Variants in PLAAT5 observed in about 807,000 individuals in gnomAD.
PLAAT5 encodes the protein phospholipase A and acyltransferase 5.
A neutral mutation model predicts 27.8 loss-of-function variants in PLAAT5; 27 were observed. The observed-to-expected ratio is 0.97, with a 90% CI of 0.72 to 1.34. PLAAT5 has a LOEUF of 1.34. Ranked by LOEUF, PLAAT5 falls within the 40% of genes most tolerant of loss-of-function variation. PLAAT5 has a pLI of 0.00. For missense variants in PLAAT5, 368 were observed against 343.8 expected (o/e 1.07, Z -0.56); for synonymous variants, 125 against 136.1 (o/e 0.92, Z 0.57).
chr11:63,466,882 T>C (rs201305805), intron 4 of PLAAT5, among the ~76,000 whole-genome samples: 1 of 152,154 alleles, frequency 6.6e-6, no homozygotes, highest in Non-Finnish European at 1.5e-5. Flanking sequence ...AGCTTCCACC[T>C]ACAGCCACTT....
intron 3 of PLAAT5, among the ~76,000 whole-genome samples, chr11:63,483,791 ATATATATATGT>A (rs2016351634): frequency 1.3e-5 from 1 of 77,254 alleles, no homozygotes. Context: ...AAAAATATAT[ATATATATATGT>A]ATATATATAT....
intron 3 of PLAAT5, among the ~76,000 whole-genome samples, chr11:63,476,065 T>C (rs569178365): frequency 6.6e-6 from 1 of 152,222 alleles, no homozygotes; most frequent in Admixed American, 6.5e-5. Context: ...CATTTTACCA[T>C]TTCTGGTACT....
At chr11:63,475,178 C>T (rs1181966934) in intron 3 of PLAAT5, among the ~76,000 whole-genome samples, 1 of 150,998 alleles carries the variant, frequency 6.6e-6, no homozygotes, top group Non-Finnish European at 1.5e-5. Flanking sequence ...CAGTTAGTTG[C>T]TTACATCTTC....
chr11:63,484,459 T>C (rs2016387280), intron 3 of PLAAT5, among the ~76,000 whole-genome samples: 1 of 152,156 alleles, frequency 6.6e-6, no homozygotes, highest in African/African-American at 2.4e-5. Flanking sequence ...TCAAGTGGGT[T>C]TTATAGCAGG....
chr11:63,481,922 G>A (rs1198588188), intron 3 of PLAAT5, among the ~76,000 whole-genome samples: 1 of 152,144 alleles, frequency 6.6e-6, no homozygotes, highest in Non-Finnish European at 1.5e-5. Context: ...AGGGGGAGCG[G>A]GGAGGGATAG....
intron 3 of PLAAT5, among the ~76,000 whole-genome samples, chr11:63,488,629 C>A (rs1480635297): frequency 6.6e-6 from 1 of 151,762 alleles, no homozygotes; most frequent in Non-Finnish European, 1.5e-5. Context: ...TGTGGCCCAA[C>A]ACAAATTTGT....
In PLAAT5 at chr11:63,490,822, T is replaced by C. The variant is rs2016546942; in HGVS notation, c.148+65A>G. ...GTCTTAAGAAAAGGAGCTTTGAGGGTAACCGCCCGCTGGGACCTGAAGGAC... is the reference window on the plus strand; with the variant it reads ...GTCTTAAGAAAAGGAGCTTTGAGGGCAACCGCCCGCTGGGACCTGAAGGAC... On this transcript the variant is annotated intron_variant, in intron 1 of 5. Transcript: ENST00000540857. 1.3e-5 allele frequency: 19 copies of C among 1,452,392 alleles called. No homozygotes were observed. In the Middle Eastern group the frequency reaches 8.8e-4, roughly 67 times the overall value. The allele number at this position is 1,452,392 out of a possible 1,614,324, so 90.0% of individuals were successfully genotyped here. A position where few individuals can be genotyped will look rare whatever the true frequency, so the allele number is the denominator to read the frequency against.
intron 3 of PLAAT5, among the ~76,000 whole-genome samples, chr11:63,476,080 A>C (rs2016144874): frequency 6.6e-6 from 1 of 151,924 alleles, no homozygotes; most frequent in South Asian, 2.1e-4. Context: ...GGTACTCTCC[A>C]TTTCTTCCTG....
At chr11:63,479,354 C>A (rs1189595214) in intron 3 of PLAAT5, among the ~76,000 whole-genome samples, 1 of 152,204 alleles carries the variant, frequency 6.6e-6, no homozygotes. Flanking sequence ...AAGCAGATGC[C>A]TCTGTCTTCA....
chr11:63,490,738 C>T, intron 1 of PLAAT5, 149 bp downstream of exon 1: 1 of 758,584 alleles, frequency 1.3e-6, no homozygotes, highest in Non-Finnish European at 2.1e-6. Context: ...AGCTTTATAA[C>T]AAGCGGTCGT....
Position 63,482,068 on chromosome 11 carries a change from A to AC in PLAAT5, c.345+6802_345+6803insG, listed in dbSNP as rs575179559. ...ACTTAAAGTATAATAATAAAAAAAA[A>AC]GAAAAAAATAATCAAAAGTATGAAC... is the stretch of plus-strand genomic sequence containing the variant. On this transcript the variant is annotated intron_variant, in intron 3 of 5. Transcript: ENST00000540857. Among the ~76,000 whole-genome samples the AC allele has an allele frequency of 4.1e-3, 632 of 152,348 alleles. 4 individuals are homozygous for AC. The highest frequency in any genetic ancestry group is 0.014 in the African/African-American group (569 of 41,580).
At chr11:63,487,020 T>G (rs990483940) in intron 3 of PLAAT5, among the ~76,000 whole-genome samples, 2 of 152,220 alleles carry the variant, frequency 1.3e-5, no homozygotes, top group African/African-American at 4.8e-5. Flanking sequence ...CTATTTTGAG[T>G]GACATCCGTG....
At chr11:63,464,580 T>C (rs1434873791) in intron 5 of PLAAT5, among the ~76,000 whole-genome samples, 3 of 151,882 alleles carry the variant, frequency 2.0e-5, no homozygotes, top group Non-Finnish European at 4.4e-5. Flanking sequence ...CGCTTGAACC[T>C]GGGAGGCAGA....
intron 3 of PLAAT5, among the ~76,000 whole-genome samples, chr11:63,476,422 CCATTCAT>C (rs1431243520): frequency 6.6e-6 from 1 of 152,054 alleles, no homozygotes; most frequent in Non-Finnish European, 1.5e-5. Flanking sequence ...CTCTCATTCT[CCATTCAT>C]CTGGGACTAT....
At chr11:63,463,758 G>C (rs548254619) in intron 5 of PLAAT5, among the ~76,000 whole-genome samples, 163 bp from the exon 6 acceptor site, 2 of 152,310 alleles carry the variant, frequency 1.3e-5, no homozygotes, top group Admixed American at 6.5e-5. Flanking sequence ...CTCCTAGAGT[G>C]ACAAGAGACC....
At position 63,462,499 on chromosome 11, in the gene PLAAT5, T is replaced by C. The variant is rs1169917380; in HGVS notation, c.*1004A>G. On this transcript the variant is annotated 3_prime_UTR_variant, in exon 6 of 6. Transcript: ENST00000540857. ...TCAGTGAGAGTCTATTTTCTCCAAATAGGAGAAAAGCTTATGGAGATACCA... is the reference window on the plus strand; with the variant it reads ...TCAGTGAGAGTCTATTTTCTCCAAACAGGAGAAAAGCTTATGGAGATACCA... The C allele has an allele frequency of 2.0e-5, 3 of 152,196 alleles. No individual in the cohort carries two copies. The East Asian group carries it at 5.8e-4, about 29-fold the overall frequency. 9.4% of individuals were successfully genotyped at this position (152,196 alleles called of 1,614,324 possible).
intron 3 of PLAAT5, among the ~76,000 whole-genome samples, chr11:63,486,376 C>A (rs371581023): frequency 2.5e-4 from 38 of 152,044 alleles, no homozygotes; most frequent in East Asian, 9.6e-4. Context: ...AATATGGAAC[C>A]AGCCTAAATG....
At chr11:63,482,069 G>GA (rs1381166234) in intron 3 of PLAAT5, among the ~76,000 whole-genome samples, 1 of 150,568 alleles carries the variant, frequency 6.6e-6, no homozygotes, top group Non-Finnish European at 1.5e-5. Context: ...TAAAAAAAAA[G>GA]AAAAAAATAA....
In PLAAT5 at chr11:63,461,528, G is replaced by C. The variant is rs568834314; in HGVS notation, c.*1975C>G. On this transcript the variant is annotated 3_prime_UTR_variant, in exon 6 of 6. Transcript: ENST00000540857. ...ATTATATCAACAAGACTAAGAAGCC[G>C]CACCCGAGTGGTCCCACTCAAAAAA... 6.6e-6 allele frequency: 1 copy of C among 152,146 alleles called. No individual in the cohort carries two copies. Among genetic ancestry groups the C allele is most frequent in the Non-Finnish European group, 1.5e-5 (1 of 68,040 alleles). 9.4% of individuals were successfully genotyped at this position (152,146 alleles called of 1,614,324 possible). A position where few individuals can be genotyped will look rare whatever the true frequency, so the allele number is the denominator to read the frequency against.
Sources: allele counts gnomAD v4.1 joint callset (sites outside exome capture counted in the v4.1 genomes callset), GRCh38; gene constraint gnomAD v4.1.1; transcripts MANE v1.5; gene names NCBI Gene and HGNC (gene_info 2026-07-23, HGNC 2026-07-21).